SREK1IP1: variants seen among roughly 807,000 people sequenced by gnomAD.
The protein encoded by SREK1IP1 is SREK1 interacting protein 1.
SREK1IP1 carries 12 observed loss-of-function variants against 22.8 expected under a neutral mutation model. The ratio of observed to expected loss-of-function variants is 0.53; its 90% CI spans 0.34 to 0.85. The LOEUF (loss-of-function observed/expected upper bound fraction) is 0.85, where lower values mean the gene tolerates loss of function less well. Among genes scored for constraint, SREK1IP1 ranks in the 40% least tolerant of loss-of-function variants. The pLI is 0.02. For synonymous variants in SREK1IP1, 53 were observed against 52.7 expected (o/e 1.01, Z -0.02); for missense variants, 147 against 171.8 (o/e 0.86, Z 0.81).
intron 4 of SREK1IP1, chr5:64,727,553 A>ATATATATATATATATATATAT: frequency 1.2e-5 from 1 of 84,712 alleles, no homozygotes; most frequent in African/African-American, 5.5e-5. Flanking sequence ...ATATATATAT[A>ATATATATATATATATATATAT]TTTTTTTTTT....
At chr5:64,759,445 T>C (rs971916008) in intron 1 of SREK1IP1, among the ~76,000 whole-genome samples, 3 of 152,152 alleles carry the variant, frequency 2.0e-5, no homozygotes, top group African/African-American at 7.2e-5. Context: ...AGTAATACAG[T>C]GTGCCCACCT....
intron 2 of SREK1IP1, among the ~76,000 whole-genome samples, chr5:64,744,373 T>G (rs1742597807): frequency 6.6e-6 from 1 of 152,182 alleles, no homozygotes; most frequent in African/African-American, 2.4e-5. Flanking sequence ...GCTTTAAAGC[T>G]TTTTAATAAA....
chr5:64,729,188 A>G (rs1742330172), intron 3 of SREK1IP1, among the ~76,000 whole-genome samples: 1 of 152,150 alleles, frequency 6.6e-6, no homozygotes, highest in South Asian at 2.1e-4. Flanking sequence ...TTATTCAACA[A>G]ATATTTACTA....
intron 2 of SREK1IP1, among the ~76,000 whole-genome samples, chr5:64,752,837 T>C (rs1742773522): frequency 6.6e-6 from 1 of 152,176 alleles, no homozygotes; most frequent in Non-Finnish European, 1.5e-5. Context: ...GACTTGTAAA[T>C]TGAGAAGACC....
Position 64,768,548 on chromosome 5 carries a change from T to C in SREK1IP1, c.-31A>G. 1 of 1,614,108 alleles carries C rather than the reference T, an allele frequency of 6.2e-7. No homozygotes were observed. Among genetic ancestry groups the C allele is most frequent in the Non-Finnish European group, 8.5e-7 (1 of 1,180,002 alleles). On this transcript the variant is annotated 5_prime_UTR_variant, in exon 1 of 5. Transcript: ENST00000513458. ...TGGTAAGAGGGGTAACTCGAGCCTC[T>C]GGCTTTCGAAAAGGCGCTTGCTTCC...
At chr5:64,762,451 C>T (rs774767992) in intron 1 of SREK1IP1, among the ~76,000 whole-genome samples, 25 of 152,078 alleles carry the variant, frequency 1.6e-4, no homozygotes, top group Non-Finnish European at 3.4e-4. Flanking sequence ...AAAATTCAAA[C>T]TGCAGCCATA....
chr5:64,754,174 A>C, intron 2 of SREK1IP1, 141 bp downstream of exon 2: 1 of 711,752 alleles, frequency 1.4e-6, no homozygotes, highest in Non-Finnish European at 2.4e-6. Context: ...TAACAGAGGA[A>C]TTTCTGTAAC....
chr5:64,727,149 C>T (rs956036992), intron 4 of SREK1IP1, among the ~76,000 whole-genome samples: 7 of 151,994 alleles, frequency 4.6e-5, no homozygotes, highest in African/African-American at 1.7e-4. Flanking sequence ...GTATTAAATG[C>T]TCTATAAAAA....
At chr5:64,725,089 A>G (rs1280802664) in intron 4 of SREK1IP1, among the ~76,000 whole-genome samples, 1 of 152,132 alleles carries the variant, frequency 6.6e-6, no homozygotes, top group Non-Finnish European at 1.5e-5. Context: ...CAAGTACTTG[A>G]TCCCTCTAGA....
At position 64,720,767 on chromosome 5, in the gene SREK1IP1, C is replaced by T. The variant is rs1742147926; in HGVS notation, c.*3617G>A. On this transcript the variant is annotated 3_prime_UTR_variant, in exon 5 of 5. Coordinates refer to ENST00000513458, the MANE Select transcript of SREK1IP1 (RefSeq NM_173829.4). Reference sequence around the variant, plus strand: ...AGGTGATCCGCCCGCCTCAGCCTCCCAAAGTGCTGGGATTACAGGCGTGAG... The same window carrying T: ...AGGTGATCCGCCCGCCTCAGCCTCCTAAAGTGCTGGGATTACAGGCGTGAG... 1 of 152,352 alleles carries T rather than the reference C, an allele frequency of 6.6e-6. No homozygotes were observed. The highest frequency in any genetic ancestry group is 6.5e-5 in the Admixed American group (1 of 15,288). The allele number at this position is 152,352 out of a possible 1,614,324, so 9.4% of individuals were successfully genotyped here.
chr5:64,752,158 T>G (rs1208334963), intron 2 of SREK1IP1, among the ~76,000 whole-genome samples: 1 of 141,474 alleles, frequency 7.1e-6, no homozygotes, highest in Non-Finnish European at 1.5e-5. Context: ...TTTTTTTTTT[T>G]TTTTTTTTTT....
At chr5:64,737,229 T>C (rs143987853) in intron 3 of SREK1IP1, among the ~76,000 whole-genome samples, 1 of 152,206 alleles carries the variant, frequency 6.6e-6, no homozygotes, top group East Asian at 1.9e-4. Flanking sequence ...TGGAATCATA[T>C]TGAGTATCTT....
intron 3 of SREK1IP1, among the ~76,000 whole-genome samples, chr5:64,739,419 C>CT (rs1463457592): frequency 6.6e-6 from 1 of 152,102 alleles, no homozygotes; most frequent in Non-Finnish European, 1.5e-5. Flanking sequence ...AACTGAGGGT[C>CT]TAACTCGTGG....
intron 3 of SREK1IP1, among the ~76,000 whole-genome samples, chr5:64,732,876 C>T (rs1463895694): frequency 6.6e-6 from 1 of 150,612 alleles, no homozygotes; most frequent in East Asian, 2.0e-4. Flanking sequence ...CACAGAGAAT[C>T]CAGAAACAAG....
At chr5:64,753,498 G>T (rs1340538541) in intron 2 of SREK1IP1, among the ~76,000 whole-genome samples, 1 of 152,162 alleles carries the variant, frequency 6.6e-6, no homozygotes, top group African/African-American at 2.4e-5. Flanking sequence ...TTTTAGCTTT[G>T]CTTGGAAGTA....
chr5:64,746,080 C>T (rs1463969124), intron 2 of SREK1IP1, among the ~76,000 whole-genome samples: 3 of 152,232 alleles, frequency 2.0e-5, no homozygotes, highest in East Asian at 1.9e-4. Flanking sequence ...ATATACATAG[C>T]GAACTGAGTT....
chr5:64,754,281 T>C, intron 2 of SREK1IP1, 34 bp downstream of exon 2: 1 of 1,606,948 alleles, frequency 6.2e-7, no homozygotes, highest in Non-Finnish European at 8.5e-7. Flanking sequence ...CCAGTATGAA[T>C]AATGCAAAGC....
At position 64,768,600 on chromosome 5, in the gene SREK1IP1, C is replaced by T. The variant is rs183246575; in HGVS notation, c.-83G>A. 4 of 1,605,082 alleles carry T rather than the reference C, an allele frequency of 2.5e-6. No individual in the cohort carries two copies. The highest frequency in any genetic ancestry group is 1.7e-5 in the Admixed American group (1 of 59,542). ...GCCAGCTGTGAGAACAAGGCACAGT[C>T]AAAGCGGCGTTTTCCTTCCCCCAGC... On this transcript the variant is annotated 5_prime_UTR_variant, in exon 1 of 5. Transcript: ENST00000513458.
chr5:64,749,897 C>A (rs533972490), intron 2 of SREK1IP1, among the ~76,000 whole-genome samples: 71 of 152,298 alleles, frequency 4.7e-4, no homozygotes, highest in African/African-American at 1.5e-3. Context: ...GGATATTTGG[C>A]TCTTCCTTGA....
Sources: gnomAD v4.1 joint callset for allele counts (sites outside exome capture counted in the v4.1 genomes callset) on GRCh38, gnomAD v4.1.1 for gene constraint, MANE v1.5 for transcripts, NCBI Gene and HGNC (gene_info 2026-07-23, HGNC 2026-07-21) for gene names.